The following LRRC20 variants were observed in gnomAD, a reference collection of about 807,000 sequenced individuals.
LRRC20 encodes leucine rich repeat containing 20, also known as leucine-rich repeat-containing protein 20.
Under a neutral mutation model 14.4 loss-of-function variants are expected in LRRC20, and 11 were observed. The observed-to-expected ratio is 0.77, with a 90% CI of 0.48 to 1.27. The LOEUF is 1.27. Ranked by LOEUF, LRRC20 falls within the 50% of genes most tolerant of loss-of-function variation. The pLI, the probability that LRRC20 is intolerant of heterozygous loss-of-function variation, is 0.00. For missense variants in LRRC20, 219 were observed against 251.2 expected (o/e 0.87, Z 0.87); for synonymous variants, 121 against 107.3 (o/e 1.13, Z -0.79).
chr10:70,352,507 A>C (rs1843349553), intron 2 of LRRC20, among the ~76,000 whole-genome samples: 1 of 152,230 alleles, frequency 6.6e-6, no homozygotes, highest in African/African-American at 2.4e-5. Context: ...GACACATGTC[A>C]TTATACATTA....
At chr10:70,327,358 T>G (rs1842365542) in intron 3 of LRRC20, among the ~76,000 whole-genome samples, 1 of 104,600 alleles carries the variant, frequency 9.6e-6, no homozygotes, top group Non-Finnish European at 2.0e-5. Context: ...ACGGATCACT[T>G]GAGATCAAGA....
chr10:70,323,648 G>A (rs763029919), intron 4 of LRRC20, among the ~76,000 whole-genome samples: 23 of 152,206 alleles, frequency 1.5e-4, no homozygotes, highest in Admixed American at 2.6e-4. Flanking sequence ...AGCCAAGGCC[G>A]TCTACCTGCC....
chr10:70,308,743 G>A (rs1022014199), intron 4 of LRRC20, among the ~76,000 whole-genome samples: 3 of 152,166 alleles, frequency 2.0e-5, no homozygotes, highest in African/African-American at 7.2e-5. Flanking sequence ...AGGAAAAGAC[G>A]CAGAGACAGG....
At chr10:70,371,188 G>A (rs907171551) in intron 2 of LRRC20, among the ~76,000 whole-genome samples, 6 of 152,042 alleles carry the variant, frequency 3.9e-5, no homozygotes, top group Admixed American at 3.3e-4. Flanking sequence ...CCAGGCTGGA[G>A]TGCAGTGGCC....
intron 3 of LRRC20, among the ~76,000 whole-genome samples, chr10:70,325,782 C>T (rs1160497886): frequency 2.6e-5 from 4 of 152,184 alleles, no homozygotes; most frequent in Non-Finnish European, 4.4e-5. Flanking sequence ...ACGGGGCCCC[C>T]GGGCCCTCTG....
At chr10:70,307,849 G>A (rs1483446860) in intron 4 of LRRC20, among the ~76,000 whole-genome samples, 4 of 152,246 alleles carry the variant, frequency 2.6e-5, no homozygotes, top group African/African-American at 9.6e-5. Flanking sequence ...GGTCCCAGAA[G>A]TCGACAAGAT....
At position 70,341,217 on chromosome 10, in the gene LRRC20, C is replaced by T. The variant is rs555897162; in HGVS notation, c.83-515G>A. Among the ~76,000 whole-genome samples, 138 of 152,354 alleles carry T rather than the reference C, an allele frequency of 9.1e-4. 3 individuals are homozygous for T. In the South Asian group the frequency reaches 0.028, roughly 31 times the overall value. On this transcript the variant is annotated intron_variant, in intron 2 of 4. Transcript: ENST00000446961. ...GCAGTTGGGAAGCCACTGTGCAGAA[C>T]AGTCAGGCACTTCCTCAAATGGTTA... is the stretch of plus-strand genomic sequence containing the variant.
At chr10:70,301,933 T>A (rs1348988413) in intron 4 of LRRC20, among the ~76,000 whole-genome samples, 1 of 152,200 alleles carries the variant, frequency 6.6e-6, no homozygotes, top group Admixed American at 6.5e-5. Context: ...CATATATATG[T>A]CCATATATAT....
At position 70,340,638 on chromosome 10, in the gene LRRC20, A is replaced by G. The variant is rs1470430196; in HGVS notation, c.147T>C (p.Ser49=). Residue 49 remains serine, a synonymous_variant, in exon 3 of 5, where the codon TCT becomes TCC. Transcript: ENST00000446961. ...IGIYKVLRNV[S]GQIHLITLAN... is the part of the protein sequence containing the mutation. Reference sequence around the variant, plus strand: ...CCAGGGTGATGAGGTGGATCTGGCCAGAGACATTCCGCAGGACCTTGTAGA... The same window carrying G: ...CCAGGGTGATGAGGTGGATCTGGCCGGAGACATTCCGCAGGACCTTGTAGA... 4 of 1,614,194 alleles carry G rather than the reference A, an allele frequency of 2.5e-6. No homozygotes were observed. The East Asian group carries it at 6.7e-5, about 27-fold the overall frequency.
intron 2 of LRRC20, among the ~76,000 whole-genome samples, chr10:70,356,980 A>C (rs575295473): frequency 6.6e-6 from 1 of 152,378 alleles, no homozygotes; most frequent in African/African-American, 2.4e-5. Context: ...GAACAGATAA[A>C]GGACATGTCA....
chr10:70,364,698 G>A (rs1843901395), intron 2 of LRRC20, among the ~76,000 whole-genome samples: 1 of 152,278 alleles, frequency 6.6e-6, no homozygotes, highest in Admixed American at 6.5e-5. Context: ...CTGCTGGCTA[G>A]TACAGAAAGA....
chr10:70,323,729 C>CA, intron 4 of LRRC20, 134 bp downstream of exon 4: 1 of 988,378 alleles, frequency 1.0e-6, no homozygotes, highest in Non-Finnish European at 1.5e-6. Context: ...TCCCAGGCCC[C>CA]ATGTCCTTTG....
At chr10:70,311,037 C>G (rs918093351) in intron 4 of LRRC20, among the ~76,000 whole-genome samples, 1 of 152,074 alleles carries the variant, frequency 6.6e-6, no homozygotes, top group Non-Finnish European at 1.5e-5. Context: ...ACTCACATAC[C>G]TACGTATTTC....
At chr10:70,380,641 G>T (rs1904586) in intron 1 of LRRC20, among the ~76,000 whole-genome samples, 1 of 152,256 alleles carries the variant, frequency 6.6e-6, no homozygotes, top group East Asian at 1.9e-4. Context: ...GAAAATGTCA[G>T]GGAAAGCACT....
At chr10:70,327,916 C>G (rs1358272823) in intron 3 of LRRC20, among the ~76,000 whole-genome samples, 1 of 152,204 alleles carries the variant, frequency 6.6e-6, no homozygotes, top group African/African-American at 2.4e-5. Flanking sequence ...GCAGGCCACG[C>G]TGGCACCTCA....
intron 2 of LRRC20, among the ~76,000 whole-genome samples, chr10:70,359,784 A>G (rs963738972): frequency 6.6e-6 from 1 of 152,072 alleles, no homozygotes; most frequent in African/African-American, 2.4e-5. Context: ...TTAGCTTCAA[A>G]AGTTCTCGTC....
intron 2 of LRRC20, among the ~76,000 whole-genome samples, chr10:70,342,597 C>T (rs1483983484): frequency 2.6e-5 from 4 of 152,158 alleles, no homozygotes; most frequent in Admixed American, 6.6e-5. Flanking sequence ...GAAGGTACCA[C>T]CAGCTGCCTA....
At chr10:70,309,823 A>T (rs1236943735) in intron 4 of LRRC20, among the ~76,000 whole-genome samples, 1 of 152,238 alleles carries the variant, frequency 6.6e-6, no homozygotes, top group Admixed American at 6.5e-5. Context: ...TCCCCCTGTC[A>T]TGCTGCTGCC....
At chr10:70,379,030 T>A (rs1844611858) in intron 1 of LRRC20, among the ~76,000 whole-genome samples, 1 of 152,204 alleles carries the variant, frequency 6.6e-6, no homozygotes, top group Non-Finnish European at 1.5e-5. Flanking sequence ...ACCTATACTG[T>A]GCTTCTCTCC....
Sources: allele counts gnomAD v4.1 joint callset (sites outside exome capture counted in the v4.1 genomes callset), GRCh38; gene constraint gnomAD v4.1.1; transcripts MANE v1.5; gene names NCBI Gene and HGNC (gene_info 2026-07-23, HGNC 2026-07-21).